The following RBMS3 variants were observed in gnomAD, a reference collection of about 807,000 sequenced individuals.
RBMS3 encodes the protein RNA binding motif single stranded interacting protein 3, also known as RNA-binding motif, single-stranded-interacting protein 3.
A neutral mutation model predicts 66.8 loss-of-function variants in RBMS3; 27 were observed. The observed-to-expected ratio is 0.40, with a 90% CI of 0.30 to 0.56. The LOEUF (loss-of-function observed/expected upper bound fraction) is 0.56. RBMS3 is among the 20% of genes least tolerant of loss of function. RBMS3 has a pLI of 0.40. For synonymous variants in RBMS3, 188 were observed against 183.0 expected (o/e 1.03, Z -0.22); for missense variants, 513 against 549.5 (o/e 0.93, Z 0.66).
At chr3:29,605,700 A>G (rs1243263108) in intron 4 of RBMS3, among the ~76,000 whole-genome samples, 2 of 152,090 alleles carry the variant, frequency 1.3e-5, no homozygotes, top group African/African-American at 4.8e-5. Context: ...TTCAGATTCT[A>G]CAAGGCGGGG....
intron 4 of RBMS3, chr3:29,698,528 G>T: frequency 1.0e-6 from 1 of 985,256 alleles, no homozygotes; most frequent in East Asian, 1.1e-4. Context: ...TATGGATGGT[G>T]GGTCAAGATG....
At chr3:29,674,543 A>G (rs1456867196) in intron 4 of RBMS3, among the ~76,000 whole-genome samples, 1 of 152,126 alleles carries the variant, frequency 6.6e-6, no homozygotes, top group African/African-American at 2.4e-5. Context: ...ACTGATAAGC[A>G]ACGTCAGCAG....
Position 29,975,006 on chromosome 3 carries a change from T to TTATA in RBMS3, c.1099-13134_1099-13133insATAT, listed in dbSNP as rs1459005691. 1.1e-3 allele frequency among the ~76,000 whole-genome samples: 99 copies of TTATA among 88,442 alleles called. 12 individuals are homozygous for TTATA. Among genetic ancestry groups the TTATA allele is most frequent in the East Asian group, 2.5e-3 (5 of 1,982 alleles). 58.0% of individuals were successfully genotyped at this position (88,442 alleles called of 152,430 possible). A position where few individuals can be genotyped will look rare whatever the true frequency, so the allele number is the denominator to read the frequency against. ...TTATATATAAAATACGTTTCTATAT[T>TTATA]TATTTTATATATAAAATACGTTTCT... is the stretch of plus-strand genomic sequence containing the variant. On this transcript the variant is annotated intron_variant, in intron 12 of 14. Coordinates refer to ENST00000383767, the MANE Select transcript of RBMS3 (RefSeq NM_001003793.3).
At chr3:29,440,670 G>A (rs866080588) in intron 2 of RBMS3, among the ~76,000 whole-genome samples, 6 of 152,210 alleles carry the variant, frequency 3.9e-5, no homozygotes, top group South Asian at 2.1e-4. Flanking sequence ...AGAAGTGTTT[G>A]CGCTGGAGAG....
chr3:29,928,856 T>A (rs2061028068), intron 10 of RBMS3, among the ~76,000 whole-genome samples: 1 of 151,808 alleles, frequency 6.6e-6, no homozygotes, highest in African/African-American at 2.4e-5. Flanking sequence ...TCTTCTCCCA[T>A]AACATATTTG....
chr3:29,642,090 G>A (rs2049738343), intron 4 of RBMS3, among the ~76,000 whole-genome samples: 1 of 152,084 alleles, frequency 6.6e-6, no homozygotes, highest in Non-Finnish European at 1.5e-5. Context: ...CATGCACGCT[G>A]TGGCAGGCTC....
intron 1 of RBMS3, among the ~76,000 whole-genome samples, chr3:29,410,765 A>G (rs570195551): frequency 6.6e-6 from 1 of 152,204 alleles, no homozygotes; most frequent in African/African-American, 2.4e-5. Flanking sequence ...TATGGTATTC[A>G]CTGGGTGTTT....
intron 1 of RBMS3, among the ~76,000 whole-genome samples, chr3:29,313,731 C>T (rs1478935199): frequency 6.6e-5 from 10 of 151,712 alleles, no homozygotes; most frequent in Admixed American, 6.6e-4. Flanking sequence ...TACTAGAGGA[C>T]AGCATTGGTC....
chr3:29,433,135 C>G (rs530887583), intron 1 of RBMS3, among the ~76,000 whole-genome samples: 5 of 151,554 alleles, frequency 3.3e-5, no homozygotes, highest in Non-Finnish European at 7.4e-5. Flanking sequence ...TAGAATGAAA[C>G]TGTAGAGACA....
At chr3:29,866,070 C>A (rs2059353129) in intron 6 of RBMS3, among the ~76,000 whole-genome samples, 4 of 86,210 alleles carry the variant, frequency 4.6e-5, no homozygotes, top group Admixed American at 1.3e-4. Flanking sequence ...TTATTAACAC[C>A]AAATACTAAA....
At chr3:29,971,774 T>A (rs1292103158) in intron 12 of RBMS3, among the ~76,000 whole-genome samples, 1 of 152,116 alleles carries the variant, frequency 6.6e-6, no homozygotes, top group Non-Finnish European at 1.5e-5. Context: ...TTAGATGTCA[T>A]AAGAGGTAGT....
At chr3:29,587,244 T>TGTGTGTGTG in intron 4 of RBMS3, 39 bp downstream of exon 4, 1 of 840,818 alleles carries the variant, frequency 1.2e-6, no homozygotes, top group Non-Finnish European at 1.7e-6. Context: ...TTTTTTTTTT[T>TGTGTGTGTG]TTTTTGTGTG....
intron 7 of RBMS3, among the ~76,000 whole-genome samples, chr3:29,879,399 T>C (rs2059685663): frequency 1.3e-5 from 2 of 152,172 alleles, no homozygotes; most frequent in African/African-American, 2.4e-5. Flanking sequence ...TCTTAACAAG[T>C]GAACAGTTGT....
At chr3:29,318,934 C>T (rs985498552) in intron 1 of RBMS3, among the ~76,000 whole-genome samples, 1 of 151,894 alleles carries the variant, frequency 6.6e-6, no homozygotes, top group South Asian at 2.1e-4. Context: ...AATATTTATA[C>T]TGAATTTTGA....
chr3:29,516,260 T>C lies in RBMS3; in HGVS notation c.307+27761T>C, dbSNP rs2044616073. Among the ~76,000 whole-genome samples, 3 of 152,298 alleles carry C rather than the reference T, an allele frequency of 2.0e-5. No individual in the cohort carries two copies. In the South Asian group the frequency reaches 6.2e-4, roughly 32 times the overall value. Reference sequence around the variant, plus strand: ...AATAATACATGTGATTCAAGATATATTGAGTTTGATGTATTTCTAGGACAT... The same window carrying C: ...AATAATACATGTGATTCAAGATATACTGAGTTTGATGTATTTCTAGGACAT... On this transcript the variant is annotated intron_variant, in intron 3 of 14. Transcript: ENST00000383767.
chr3:29,663,050 T>G (rs2050616047), intron 4 of RBMS3, among the ~76,000 whole-genome samples: 1 of 152,174 alleles, frequency 6.6e-6, no homozygotes, highest in African/African-American at 2.4e-5. Flanking sequence ...AGTTCTATTT[T>G]TCTTGCTTGT....
intron 1 of RBMS3, among the ~76,000 whole-genome samples, chr3:29,384,584 C>A (rs73040660): frequency 0.21 from 31,415 of 152,046 alleles, 4,075 homozygotes; most frequent in Middle Eastern, 0.35. Flanking sequence ...ATTGAAACTA[C>A]CTGTGTCGTA....
At chr3:29,366,991 A>G (rs1324479028) in intron 1 of RBMS3, among the ~76,000 whole-genome samples, 1 of 152,198 alleles carries the variant, frequency 6.6e-6, no homozygotes, top group African/African-American at 2.4e-5. Flanking sequence ...GGAAAATATT[A>G]TATAGAACAC....
At chr3:29,983,725 G>A (rs138219405) in intron 12 of RBMS3, among the ~76,000 whole-genome samples, 1,894 of 151,160 alleles carry the variant, frequency 0.013, 21 homozygotes, top group Middle Eastern at 0.024. Context: ...TTTTAAGAAC[G>A]TTGAATATTT....
Sources: gnomAD v4.1 joint callset for allele counts (sites outside exome capture counted in the v4.1 genomes callset) on GRCh38, gnomAD v4.1.1 for gene constraint, MANE v1.5 for transcripts, NCBI Gene and HGNC (gene_info 2026-07-23, HGNC 2026-07-21) for gene names.